Variants in SGCZ observed in about 807,000 individuals in gnomAD.
SGCZ encodes the protein zeta-sarcoglycan.
In SGCZ, 40 loss-of-function variants were observed where a neutral mutation model predicts 41.3. The observed-to-expected ratio is 0.97, with a 90% CI of 0.75 to 1.26. The LOEUF (loss-of-function observed/expected upper bound fraction) is 1.26, where lower values mean the gene tolerates loss of function less well. SGCZ is among the 50% of genes most tolerant of loss of function. SGCZ has a pLI of 0.00. For missense variants in SGCZ, 552 were observed against 369.8 expected, an observed-to-expected ratio of 1.49 and a Z score of -4.04; for synonymous variants, 206 against 137.5, an observed-to-expected ratio of 1.50 and a Z score of -3.49.
intron 1 of SGCZ, among the ~76,000 whole-genome samples, chr8:14,597,036 G>T (rs1004159196): frequency 1.3e-5 from 2 of 152,088 alleles, no homozygotes; most frequent in East Asian, 1.9e-4. Context: ...TCCTCAAAAC[G>T]CCTGAGGTAG....
At chr8:14,549,292 C>T (rs997577134) in intron 2 of SGCZ, among the ~76,000 whole-genome samples, 3 of 151,934 alleles carry the variant, frequency 2.0e-5, no homozygotes, top group Admixed American at 6.6e-5. Context: ...CTTTCGGATT[C>T]GGACAGAAAT....
chr8:14,156,203 C>G (rs1330476193), intron 5 of SGCZ, among the ~76,000 whole-genome samples: 2 of 152,178 alleles, frequency 1.3e-5, no homozygotes, highest in Non-Finnish European at 2.9e-5. Context: ...CTCACAGTGT[C>G]TGATGCCTGT....
intron 4 of SGCZ, among the ~76,000 whole-genome samples, chr8:14,217,895 T>A (rs1430094217): frequency 6.6e-6 from 1 of 151,954 alleles, no homozygotes; most frequent in Admixed American, 6.6e-5. Flanking sequence ...CCTCCCAAAG[T>A]GCTGGGATTA....
intron 1 of SGCZ, among the ~76,000 whole-genome samples, chr8:14,574,196 G>T (rs148704154): frequency 6.6e-6 from 1 of 152,160 alleles, no homozygotes; most frequent in Non-Finnish European, 1.5e-5. Flanking sequence ...AGATGCGGAT[G>T]TTGGGGCTCA....
intron 3 of SGCZ, among the ~76,000 whole-genome samples, chr8:14,251,093 T>G (rs1799267547): frequency 6.6e-6 from 1 of 152,024 alleles, no homozygotes. Context: ...CCGGGTGCAG[T>G]GGTACGCACC....
At chr8:15,237,525 A>C in intron 1 of SGCZ, 60 bp downstream of exon 1, 1 of 1,551,294 alleles carries the variant, frequency 6.4e-7, no homozygotes, top group Non-Finnish European at 8.8e-7. Context: ...CGCGGGAAGG[A>C]GAGGGGAGAG....
chr8:14,215,107 C>T (rs1468703328), intron 4 of SGCZ, among the ~76,000 whole-genome samples: 2 of 152,126 alleles, frequency 1.3e-5, no homozygotes, highest in African/African-American at 4.8e-5. Flanking sequence ...AAATAAAGCA[C>T]TTCCTGGTCC....
intron 3 of SGCZ, among the ~76,000 whole-genome samples, chr8:14,280,385 G>C (rs1439468227): frequency 1.3e-5 from 2 of 151,670 alleles, no homozygotes; most frequent in African/African-American, 4.8e-5. Flanking sequence ...ATAACCTCAA[G>C]GTAGGCTTTT....
intron 1 of SGCZ, among the ~76,000 whole-genome samples, chr8:14,784,576 C>T (rs935190646): frequency 2.0e-5 from 3 of 151,870 alleles, no homozygotes; most frequent in Admixed American, 6.6e-5. Flanking sequence ...CCATATGAAA[C>T]TCCTTAGACA....
chr8:14,858,774 T>C (rs149278683), intron 1 of SGCZ, among the ~76,000 whole-genome samples: 16 of 152,160 alleles, frequency 1.1e-4, no homozygotes, highest in Admixed American at 1.0e-3. Flanking sequence ...TTCTAAGTAG[T>C]GACACATTTC....
At chr8:14,829,588 C>T (rs17120353) in intron 1 of SGCZ, among the ~76,000 whole-genome samples, 45,690 of 151,844 alleles carry the variant, frequency 0.3, 9,780 homozygotes, top group African/African-American at 0.59. Context: ...TAAATGATTC[C>T]TAAGTGCCTT....
chr8:14,103,185 C>T (rs1563128020), intron 6 of SGCZ, among the ~76,000 whole-genome samples: 2 of 152,106 alleles, frequency 1.3e-5, no homozygotes, highest in African/African-American at 4.8e-5. Context: ...AGGTTGGCTA[C>T]ATAAATTAGG....
intron 1 of SGCZ, among the ~76,000 whole-genome samples, chr8:14,563,181 T>C (rs1458901223): frequency 6.6e-6 from 1 of 152,180 alleles, no homozygotes; most frequent in Non-Finnish European, 1.5e-5. Flanking sequence ...ACCCCAAGCT[T>C]GCTCTGTGTG....
In SGCZ at chr8:14,672,132, G is replaced by C. The variant is rs935120848; in HGVS notation, c.40-117206C>G. On this transcript the variant is annotated intron_variant, in intron 1 of 7. Transcript: ENST00000382080. Reference sequence around the variant, plus strand: ...TGCGGGAATTTAAAAAGAACTGTGAGGTTCTCTTTGCCTTCTAAATGCCAT... The same window carrying C: ...TGCGGGAATTTAAAAAGAACTGTGACGTTCTCTTTGCCTTCTAAATGCCAT... Among the ~76,000 whole-genome samples the C allele has an allele frequency of 2.0e-5, 3 of 152,054 alleles. No homozygotes were observed. In the South Asian group the frequency reaches 6.2e-4, roughly 31 times the overall value.
intron 1 of SGCZ, among the ~76,000 whole-genome samples, chr8:15,000,500 G>T (rs1038744543): frequency 6.6e-6 from 1 of 152,154 alleles, no homozygotes; most frequent in African/African-American, 2.4e-5. Flanking sequence ...AGCCTGTAAA[G>T]TTGAGCTGCA....
chr8:14,681,557 T>C (rs896389032), intron 1 of SGCZ, among the ~76,000 whole-genome samples: 1 of 152,180 alleles, frequency 6.6e-6, no homozygotes, highest in Non-Finnish European at 1.5e-5. Context: ...CTTCGAATGA[T>C]ATAAAGAGAA....
At chr8:14,998,343 G>T (rs547922088) in intron 1 of SGCZ, among the ~76,000 whole-genome samples, 2 of 152,278 alleles carry the variant, frequency 1.3e-5, no homozygotes, top group African/African-American at 4.8e-5. Flanking sequence ...AGTTACTTCT[G>T]AATACAGTTC....
chr8:14,517,635 A>G (rs1205834931), intron 2 of SGCZ, among the ~76,000 whole-genome samples: 4 of 152,178 alleles, frequency 2.6e-5, no homozygotes, highest in African/African-American at 9.6e-5. Flanking sequence ...ATAGAAATTA[A>G]CTGCTCGTTG....
chr8:14,140,488 C>G (rs1803335502), intron 5 of SGCZ, among the ~76,000 whole-genome samples: 1 of 152,114 alleles, frequency 6.6e-6, no homozygotes, highest in African/African-American at 2.4e-5. Flanking sequence ...GATACAAAAT[C>G]AATGTACAAA....
Sources: gnomAD v4.1 joint callset for allele counts (sites outside exome capture counted in the v4.1 genomes callset) on GRCh38, gnomAD v4.1.1 for gene constraint, MANE v1.5 for transcripts, NCBI Gene and HGNC (gene_info 2026-07-23, HGNC 2026-07-21) for gene names.